The following RAD51B variants were observed in gnomAD, a reference collection of about 807,000 sequenced individuals.
RAD51B encodes the protein RAD51 paralog B, also known as DNA repair protein RAD51 homolog 2.
A neutral mutation model predicts 42.2 loss-of-function variants in RAD51B; 38 were observed. The observed-to-expected ratio is 0.90, with a 90% CI of 0.70 to 1.18. The LOEUF is 1.18. Ranked by LOEUF, RAD51B falls within the 50% of genes most tolerant of loss-of-function variation. The pLI is 0.00. For synonymous variants in RAD51B, 154 were observed against 145.2 expected (o/e 1.06, Z -0.43); for missense variants, 373 against 400.7 (o/e 0.93, Z 0.59).
At chr14:68,481,535 A>T (rs976319290), downstream of RAD51B, among the ~76,000 whole-genome samples, 1 of 152,176 alleles carries the variant, frequency 6.6e-6, no homozygotes, top group African/African-American at 2.4e-5. Context: ...GGACGTAAGC[A>T]CTGCCTCTGA....
chr14:68,582,279 C>A (rs1890242645), intron 10 of RAD51B, among the ~76,000 whole-genome samples: 1 of 152,102 alleles, frequency 6.6e-6, no homozygotes, highest in African/African-American at 2.4e-5. Context: ...GGCTAATATC[C>A]AGAATCTACA....
intron 7 of RAD51B, among the ~76,000 whole-genome samples, chr14:68,172,276 A>G (rs189117278): frequency 1.3e-5 from 2 of 152,318 alleles, no homozygotes; most frequent in Admixed American, 1.3e-4. Context: ...ATTTTCTGTC[A>G]TTACATTCTT....
intron 11 of RAD51B, among the ~76,000 whole-genome samples, chr14:68,666,419 G>A (rs893804905): frequency 6.6e-6 from 1 of 152,216 alleles, no homozygotes; most frequent in Non-Finnish European, 1.5e-5. Context: ...TAAGAGAAAG[G>A]AGACAGGGCC....
Position 68,654,878 on chromosome 14 carries a change from A to G in RAD51B, c.*11+4022A>G, listed in dbSNP as rs200939210. On this transcript the variant is annotated intron_variant, in intron 11 of 11. Coordinates refer to the RAD51B transcript ENST00000488612. The stretch of plus-strand genomic sequence containing the variant: ...ACTGCCGTTCATGCTCCCCAGCCCA[A>G]TGGAAAACCTCAAGACAATCCCACT... Among the ~76,000 whole-genome samples the G allele has an allele frequency of 9.5e-4, 144 of 152,244 alleles. 1 individual carries two copies. Among genetic ancestry groups the G allele is most frequent in the Admixed American group, 1.4e-3 (21 of 15,306 alleles).
intron 7 of RAD51B, among the ~76,000 whole-genome samples, chr14:67,939,559 G>A (rs796940982): frequency 9.2e-5 from 14 of 152,276 alleles, no homozygotes; most frequent in African/African-American, 3.4e-4. Flanking sequence ...TTTCGGTAGG[G>A]GCCCATGTAT....
chr14:67,966,814 A>C (rs1416207783), intron 7 of RAD51B, among the ~76,000 whole-genome samples: 1 of 152,222 alleles, frequency 6.6e-6, no homozygotes, highest in African/African-American at 2.4e-5. Context: ...CTTTCCTATT[A>C]GTATGTAGAG....
intron 9 of RAD51B, among the ~76,000 whole-genome samples, chr14:68,467,347 T>G (rs2086010859): frequency 1.3e-5 from 2 of 152,380 alleles, no homozygotes; most frequent in East Asian, 1.9e-4. Context: ...GCACTAATGC[T>G]TCATGACTCC....
chr14:68,468,999 G>T (rs1025529277), intron 10 of RAD51B: 1 of 390,970 alleles, frequency 2.6e-6, no homozygotes, highest in Non-Finnish European at 5.5e-6. Context: ...TGTTAGAAGA[G>T]TCAGCCCACA....
chr14:68,313,540 G>A (rs753452201), intron 8 of RAD51B, among the ~76,000 whole-genome samples: 6 of 152,148 alleles, frequency 3.9e-5, no homozygotes, highest in Non-Finnish European at 8.8e-5. Context: ...GGACTACAAG[G>A]ACTCCACTTC....
intron 7 of RAD51B, among the ~76,000 whole-genome samples, chr14:68,067,674 C>T (rs535751826): frequency 2.0e-5 from 3 of 151,774 alleles, no homozygotes; most frequent in East Asian, 1.9e-4. Flanking sequence ...ATAAAGTTAA[C>T]GTATTTAAAG....
chr14:68,066,867 C>T (rs2076659262), intron 7 of RAD51B, among the ~76,000 whole-genome samples: 1 of 152,106 alleles, frequency 6.6e-6, no homozygotes, highest in African/African-American at 2.4e-5. Context: ...CAGGCTGATA[C>T]TCGAGCATTT....
intron 8 of RAD51B, among the ~76,000 whole-genome samples, chr14:68,366,833 G>T (rs1417796329): frequency 6.6e-6 from 1 of 152,156 alleles, no homozygotes; most frequent in African/African-American, 2.4e-5. Context: ...GGCCTCTTCC[G>T]TGACCTTGTT....
At chr14:68,353,880 C>G (rs1227864282) in intron 8 of RAD51B, among the ~76,000 whole-genome samples, 2 of 152,220 alleles carry the variant, frequency 1.3e-5, no homozygotes, top group Non-Finnish European at 2.9e-5. Flanking sequence ...CTGAGCAGTT[C>G]AGGCCTTCCA....
At chr14:68,001,533 A>G (rs2075482434) in intron 7 of RAD51B, among the ~76,000 whole-genome samples, 1 of 152,104 alleles carries the variant, frequency 6.6e-6, no homozygotes, top group Admixed American at 6.6e-5. Flanking sequence ...TTATTTATTT[A>G]TTTATTTGAT....
chr14:68,543,855 C>G (rs1446121567), intron 10 of RAD51B, among the ~76,000 whole-genome samples: 1 of 152,218 alleles, frequency 6.6e-6, no homozygotes, highest in Admixed American at 6.5e-5. Context: ...AATGATATAA[C>G]TGGGACTTCT....
chr14:68,679,120 CAAATGTAAG>C (rs1031375329), intron 11 of RAD51B, among the ~76,000 whole-genome samples: 1 of 152,054 alleles, frequency 6.6e-6, no homozygotes, highest in African/African-American at 2.4e-5. Context: ...ATTTCAAAAT[CAAATGTAAG>C]TAATGTAAGT....
At chr14:68,132,986 G>A (rs1483906804) in intron 7 of RAD51B, among the ~76,000 whole-genome samples, 2 of 152,090 alleles carry the variant, frequency 1.3e-5, no homozygotes, top group Non-Finnish European at 2.9e-5. Flanking sequence ...GACTGATCTC[G>A]GGATGGAAAA....
At position 68,568,170 on chromosome 14, in the gene RAD51B, C is replaced by T. The variant is rs142550482; in HGVS notation, c.1037-26315C>T. Among the ~76,000 whole-genome samples, 18 of 152,306 alleles carry T rather than the reference C, an allele frequency of 1.2e-4. 1 individual carries two copies. In the East Asian group the frequency reaches 3.3e-3, roughly 28 times the overall value. On this transcript the variant is annotated intron_variant, in intron 10 of 10. Transcript: ENST00000487270. The stretch of plus-strand genomic sequence containing the variant: ...TTCCTACCCTCTGAGAAACTATAGT[C>T]TTGCGACACAGAAAGGTAAGCAAAC...
chr14:68,104,941 C>T (rs1249466294), intron 7 of RAD51B, among the ~76,000 whole-genome samples: 1 of 152,066 alleles, frequency 6.6e-6, no homozygotes, highest in Non-Finnish European at 1.5e-5. Flanking sequence ...AAAGTTTATA[C>T]TTTACTAGTT....
Sources: allele counts gnomAD v4.1 joint callset (sites outside exome capture counted in the v4.1 genomes callset), GRCh38; gene constraint gnomAD v4.1.1; transcripts MANE v1.5; gene names NCBI Gene and HGNC (gene_info 2026-07-23, HGNC 2026-07-21).